Variants in SPOCK3 observed in about 807,000 individuals in gnomAD.
SPOCK3 encodes testican-3.
Under a neutral mutation model 56.6 loss-of-function variants are expected in SPOCK3, and 30 were observed. The ratio of observed to expected loss-of-function variants is 0.53; its 90% confidence interval spans 0.40 to 0.72. The LOEUF is 0.72. Among genes scored for constraint, SPOCK3 ranks in the 30% least tolerant of loss-of-function variants. The pLI, the probability that SPOCK3 is intolerant of heterozygous loss-of-function variation, is 0.00. For missense variants in SPOCK3, 527 were observed against 530.0 expected (o/e 0.99, Z 0.06); for synonymous variants, 196 against 183.3 (o/e 1.07, Z -0.56).
Position 166,982,236 on chromosome 4 carries a change from T to C in SPOCK3, c.350+18113A>G, listed in dbSNP as rs557790354. On this transcript the variant is annotated intron_variant, in intron 4 of 10. Transcript: ENST00000357545. The stretch of plus-strand genomic sequence containing the variant: ...ACAGTGGCTGCCCCAGATGGGCTGC[T>C]GCCGCCATCAGTGTAGTGGAAGATA... Among the ~76,000 whole-genome samples the C allele has an allele frequency of 3.6e-4, 55 of 152,374 alleles. 2 individuals carry two copies. The South Asian group carries it at 8.9e-3, about 25-fold the overall frequency.
chr4:166,882,782 G>A (rs1376524956), intron 6 of SPOCK3: 1 of 152,100 alleles, frequency 6.6e-6, no homozygotes, highest in Non-Finnish European at 1.5e-5. Context: ...AGTCTTCAGA[G>A]AAGACATTGA....
chr4:167,202,079 T>C (rs1561317088), intron 2 of SPOCK3, among the ~76,000 whole-genome samples: 1 of 151,960 alleles, frequency 6.6e-6, no homozygotes, highest in Non-Finnish European at 1.5e-5. Context: ...AATAACAGTA[T>C]AGAAAATGTT....
At position 166,786,872 on chromosome 4, in the gene SPOCK3, T is replaced by G. The variant is rs79365232; in HGVS notation, c.709+5298A>C. On this transcript the variant is annotated intron_variant, in intron 7 of 10. Transcript: ENST00000357545. ...TTTGGGGTTGGAAAAATCACGTATCTAAGACTTTGCAGGGAAACGGAGTGC... is the reference window on the plus strand; with the variant it reads ...TTTGGGGTTGGAAAAATCACGTATCGAAGACTTTGCAGGGAAACGGAGTGC... 2.3e-3 allele frequency among the ~76,000 whole-genome samples: 356 copies of G among 152,254 alleles called. 8 individuals carry two copies. The East Asian group carries it at 0.052, about 22-fold the overall frequency.
chr4:167,212,573 A>G (rs943524540), intron 2 of SPOCK3, among the ~76,000 whole-genome samples: 3 of 152,152 alleles, frequency 2.0e-5, no homozygotes, highest in Non-Finnish European at 4.4e-5. Flanking sequence ...GAATATAGAC[A>G]GAAATCTGGA....
chr4:166,780,566 A>C (rs879082465), intron 7 of SPOCK3, among the ~76,000 whole-genome samples: 1 of 152,112 alleles, frequency 6.6e-6, no homozygotes, highest in South Asian at 2.1e-4. Context: ...ATATCCTGTC[A>C]CTCTCTAGAT....
intron 2 of SPOCK3, among the ~76,000 whole-genome samples, chr4:167,129,311 A>G (rs1762527646): frequency 6.6e-6 from 1 of 152,230 alleles, no homozygotes; most frequent in Non-Finnish European, 1.5e-5. Context: ...AGAGTATCAG[A>G]TACCTGGCTT....
chr4:166,884,223 G>C (rs1314994767), intron 6 of SPOCK3, among the ~76,000 whole-genome samples: 1 of 151,930 alleles, frequency 6.6e-6, no homozygotes, highest in Non-Finnish European at 1.5e-5. Context: ...CGTGGTGGCT[G>C]GCACCTGTTG....
chr4:166,809,097 G>A (rs561212244), intron 6 of SPOCK3, among the ~76,000 whole-genome samples: 1 of 152,142 alleles, frequency 6.6e-6, no homozygotes, highest in African/African-American at 2.4e-5. Context: ...TGTAGACTCT[G>A]TCATACTTCT....
At chr4:166,993,445 A>AT (rs1356693035) in intron 4 of SPOCK3, among the ~76,000 whole-genome samples, 3 of 152,094 alleles carry the variant, frequency 2.0e-5, no homozygotes, top group Non-Finnish European at 4.4e-5. Context: ...ATTTTTTGAA[A>AT]TTTTAAGTAC....
intron 5 of SPOCK3, among the ~76,000 whole-genome samples, chr4:166,896,305 G>A (rs1560983642): frequency 6.6e-6 from 1 of 152,118 alleles, no homozygotes; most frequent in Non-Finnish European, 1.5e-5. Context: ...ATCGGCTTCA[G>A]TGTGTTTGTG....
chr4:167,132,487 CAA>C (rs1561250799), intron 2 of SPOCK3, among the ~76,000 whole-genome samples: 1 of 152,122 alleles, frequency 6.6e-6, no homozygotes, highest in East Asian at 1.9e-4. Context: ...AGATAACTAT[CAA>C]AAGTTATTTA....
At chr4:167,205,287 TTTTATATCTATA>T (rs1733987800) in intron 2 of SPOCK3, among the ~76,000 whole-genome samples, 2 of 45,744 alleles carry the variant, frequency 4.4e-5, no homozygotes, top group Non-Finnish European at 8.1e-5. Context: ...ATTATATATA[TTTTATATCTATA>T]ATATATATTA....
chr4:166,849,549 G>C (rs1048838314), intron 6 of SPOCK3, among the ~76,000 whole-genome samples: 1 of 152,026 alleles, frequency 6.6e-6, no homozygotes, highest in African/African-American at 2.4e-5. Context: ...AAATTTAAAG[G>C]CATCTATATT....
At chr4:166,744,117 C>G (rs920899820) in intron 8 of SPOCK3, among the ~76,000 whole-genome samples, 7 of 152,120 alleles carry the variant, frequency 4.6e-5, no homozygotes, top group Non-Finnish European at 7.4e-5. Context: ...GGTTCTCCCA[C>G]CCCGGAGTTT....
At chr4:166,971,852 C>T (rs990371960) in intron 4 of SPOCK3, among the ~76,000 whole-genome samples, 2 of 152,040 alleles carry the variant, frequency 1.3e-5, no homozygotes, top group Admixed American at 1.3e-4. Flanking sequence ...TGTCAGATTA[C>T]TACTACTACT....
intron 6 of SPOCK3, among the ~76,000 whole-genome samples, chr4:166,808,489 C>A (rs551641861): frequency 5.3e-4 from 81 of 151,914 alleles, no homozygotes; most frequent in Non-Finnish European, 9.0e-4. Context: ...GAGGGCACAG[C>A]AAGAAGGCTG....
intron 4 of SPOCK3, among the ~76,000 whole-genome samples, chr4:166,999,614 C>A (rs1561102625): frequency 6.6e-6 from 1 of 152,084 alleles, no homozygotes; most frequent in Admixed American, 6.6e-5. Context: ...CAAAAAATAA[C>A]TTTAAAAATG....
chr4:167,167,893 C>G (rs1487958286), intron 2 of SPOCK3, among the ~76,000 whole-genome samples: 1 of 152,034 alleles, frequency 6.6e-6, no homozygotes, highest in African/African-American at 2.4e-5. Flanking sequence ...ATTGTAATAA[C>G]CCCCAAATGC....
chr4:166,845,477 AT>A (rs914545115), intron 6 of SPOCK3, among the ~76,000 whole-genome samples: 2 of 152,048 alleles, frequency 1.3e-5, no homozygotes, highest in East Asian at 1.9e-4. Context: ...ATAATCTTAT[AT>A]TTTTTCTCAT....
Sources: allele counts gnomAD v4.1 joint callset (sites outside exome capture counted in the v4.1 genomes callset), GRCh38; gene constraint gnomAD v4.1.1; transcripts MANE v1.5; gene names NCBI Gene and HGNC (gene_info 2026-07-23, HGNC 2026-07-21).